Variants in HS3ST5 observed in about 807,000 individuals in gnomAD.
The protein encoded by HS3ST5 is heparan sulfate-glucosamine 3-sulfotransferase 5.
Under a neutral mutation model 25.4 loss-of-function variants are expected in HS3ST5, and 10 were observed. The observed-to-expected ratio is 0.39, with a 90% CI of 0.24 to 0.67. The LOEUF (loss-of-function observed/expected upper bound fraction) is 0.67. Among genes scored for constraint, HS3ST5 ranks in the 30% least tolerant of loss-of-function variants. The probability of loss-of-function intolerance (pLI) is 0.44; values close to 1 mark genes in which losing one functional copy is unlikely to be tolerated. For missense variants in HS3ST5, 324 were observed against 420.7 expected (o/e 0.77, Z 2.01); for synonymous variants, 170 against 162.4 (o/e 1.05, Z -0.36).
chr6:114,167,300 G>A (rs2114995820), intron 3 of HS3ST5, among the ~76,000 whole-genome samples: 1 of 152,286 alleles, frequency 6.6e-6, no homozygotes, highest in South Asian at 2.1e-4. Context: ...CAGGGACACA[G>A]TGTTCCTGTT....
intron 4 of HS3ST5, 77 bp from the exon 5 acceptor site, chr6:114,058,267 C>G: frequency 9.3e-7 from 1 of 1,073,702 alleles, no homozygotes; most frequent in Non-Finnish European, 1.3e-6. Context: ...CAGACCAAGA[C>G]TTTAAATGCA....
intron 1 of HS3ST5, among the ~76,000 whole-genome samples, chr6:114,307,567 G>T (rs1168751340): frequency 6.6e-6 from 1 of 151,856 alleles, no homozygotes; most frequent in Non-Finnish European, 1.5e-5. Flanking sequence ...AAATAATTTT[G>T]ATATTGAAGT....
intron 1 of HS3ST5, among the ~76,000 whole-genome samples, chr6:114,303,926 T>C (rs992532401): frequency 2.0e-5 from 3 of 152,126 alleles, no homozygotes; most frequent in African/African-American, 7.2e-5. Context: ...TGCATGTCAC[T>C]GAGGGAGAGT....
intron 3 of HS3ST5, among the ~76,000 whole-genome samples, chr6:114,103,703 C>CTTTTT (rs34593869): frequency 1.6e-5 from 2 of 128,776 alleles, no homozygotes; most frequent in Non-Finnish European, 3.3e-5. Flanking sequence ...TTTTCTTCTT[C>CTTTTT]TTTTTTTTTT....
At chr6:114,181,428 T>C (rs1779963180) in intron 2 of HS3ST5, among the ~76,000 whole-genome samples, 1 of 152,230 alleles carries the variant, frequency 6.6e-6, no homozygotes, top group African/African-American at 2.4e-5. Flanking sequence ...AACTGAGAAT[T>C]CCTGTTCTGA....
chr6:114,315,761 GA>G (rs1189455677), intron 1 of HS3ST5, among the ~76,000 whole-genome samples: 1 of 152,058 alleles, frequency 6.6e-6, no homozygotes, highest in Non-Finnish European at 1.5e-5. Flanking sequence ...TCACAGTCTA[GA>G]TACCATATGT....
intron 4 of HS3ST5, among the ~76,000 whole-genome samples, chr6:114,060,464 A>T (rs1773045743): frequency 6.6e-6 from 1 of 152,214 alleles, no homozygotes; most frequent in Admixed American, 6.5e-5. Flanking sequence ...GATGCTTTTA[A>T]TTGTGACACT....
chr6:114,198,017 G>A (rs1012427755), intron 2 of HS3ST5, among the ~76,000 whole-genome samples: 5 of 152,082 alleles, frequency 3.3e-5, no homozygotes, highest in Non-Finnish European at 7.4e-5. Context: ...CCAAGAGAAA[G>A]TTGAAATCCA....
chr6:114,220,778 G>T (rs1781994013), intron 2 of HS3ST5: 1 of 151,936 alleles, frequency 6.6e-6, no homozygotes, highest in African/African-American at 2.4e-5. Flanking sequence ...GGGTGGTGTG[G>T]CTGTAGATAA....
intron 2 of HS3ST5, among the ~76,000 whole-genome samples, chr6:114,216,404 T>C (rs546048246): frequency 5.1e-4 from 78 of 152,192 alleles, no homozygotes; most frequent in Non-Finnish European, 5.1e-4. Flanking sequence ...TTTTATACTC[T>C]GTGGTCCCAA....
intron 1 of HS3ST5, among the ~76,000 whole-genome samples, chr6:114,292,389 A>C (rs1774618605): frequency 6.6e-6 from 1 of 152,148 alleles, no homozygotes. Flanking sequence ...GAAGAATGAG[A>C]GAATCCACTC....
intron 1 of HS3ST5, among the ~76,000 whole-genome samples, chr6:114,308,732 C>A (rs57145254): frequency 7.1e-4 from 108 of 152,246 alleles, no homozygotes; most frequent in African/African-American, 2.6e-3. Flanking sequence ...AGCACCCAGT[C>A]CCAGGAGGAG....
intron 1 of HS3ST5, among the ~76,000 whole-genome samples, chr6:114,243,977 T>C (rs1237691496): frequency 6.6e-6 from 1 of 152,158 alleles, no homozygotes; most frequent in Non-Finnish European, 1.5e-5. Context: ...ATAGGTAGAA[T>C]AGTAGAGGGT....
intron 3 of HS3ST5, among the ~76,000 whole-genome samples, chr6:114,120,630 T>C (rs1035511121): frequency 3.3e-5 from 5 of 152,208 alleles, no homozygotes; most frequent in Non-Finnish European, 7.3e-5. Flanking sequence ...CATTAATGAT[T>C]TATAGGCTAT....
chr6:114,299,322 T>C (rs1313257869), intron 1 of HS3ST5, among the ~76,000 whole-genome samples: 2 of 152,204 alleles, frequency 1.3e-5, no homozygotes, highest in Admixed American at 6.5e-5. Context: ...GCTGATAAGA[T>C]GTTATCAATG....
At chr6:114,093,353 TTGTGTGTGTGTGTGTGTGTGTG>T (rs60927880) in intron 3 of HS3ST5, among the ~76,000 whole-genome samples, 1 of 134,204 alleles carries the variant, frequency 7.5e-6, no homozygotes, top group African/African-American at 2.7e-5. Flanking sequence ...GTTTGTTTGT[TTGTGTGTGTGTGTGTGTGTGTG>T]TGTGTGTGTG....
intron 1 of HS3ST5, among the ~76,000 whole-genome samples, chr6:114,299,251 A>G (rs1774964515): frequency 6.6e-6 from 1 of 152,188 alleles, no homozygotes; most frequent in South Asian, 2.1e-4. Flanking sequence ...CAGGCTTATT[A>G]GGACAAGGAA....
chr6:114,222,755 CACTCAT>C (rs1782101911), intron 2 of HS3ST5, among the ~76,000 whole-genome samples: 1 of 151,774 alleles, frequency 6.6e-6, no homozygotes, highest in African/African-American at 2.4e-5. Flanking sequence ...TTAGCTAAGA[CACTCAT>C]CTTATCAAAT....
intron 1 of HS3ST5, among the ~76,000 whole-genome samples, chr6:114,302,430 T>C (rs972022813): frequency 6.6e-6 from 1 of 152,158 alleles, no homozygotes. Flanking sequence ...CATGGCTATA[T>C]CCAAGCACAT....
Sources: allele counts gnomAD v4.1 joint callset (sites outside exome capture counted in the v4.1 genomes callset), GRCh38; gene constraint gnomAD v4.1.1; transcripts MANE v1.5; gene names NCBI Gene and HGNC (gene_info 2026-07-23, HGNC 2026-07-21).